Variants in BABAM2 observed in about 807,000 individuals in gnomAD.
BABAM2 encodes the protein BRISC and BRCA1 A complex member 2.
A neutral mutation model predicts 54.7 loss-of-function variants in BABAM2; 31 were observed. That is an observed-to-expected ratio of 0.57 (90% CI 0.43 to 0.77). BABAM2 has a LOEUF of 0.77. Among genes scored for constraint, BABAM2 ranks in the 30% least tolerant of loss-of-function variants. The pLI, the probability that BABAM2 is intolerant of heterozygous loss-of-function variation, is 0.00. For missense variants in BABAM2, 364 were observed against 455.8 expected (o/e 0.80, Z 1.83); for synonymous variants, 167 against 162.9 (o/e 1.03, Z -0.19).
At chr2:28,255,706 C>T (rs574732466) in intron 10 of BABAM2, among the ~76,000 whole-genome samples, 1 of 152,254 alleles carries the variant, frequency 6.6e-6, no homozygotes, top group Admixed American at 6.5e-5. Context: ...CACTCGCTCA[C>T]CCAGGCTGGA....
At chr2:28,084,806 A>G (rs1665498639) in intron 6 of BABAM2, among the ~76,000 whole-genome samples, 2 of 152,096 alleles carry the variant, frequency 1.3e-5, no homozygotes, top group Admixed American at 1.3e-4. Flanking sequence ...ATAGTCTATT[A>G]AGAAACCATG....
chr2:27,902,339 ATAAG>A (rs974472238), intron 2 of BABAM2, among the ~76,000 whole-genome samples: 25 of 152,246 alleles, frequency 1.6e-4, no homozygotes, highest in African/African-American at 5.3e-4. Context: ...TTTCGGTTAA[ATAAG>A]TAAGTATGTG....
intron 6 of BABAM2, among the ~76,000 whole-genome samples, chr2:28,051,457 T>C (rs967498284): frequency 1.3e-4 from 20 of 152,206 alleles, no homozygotes; most frequent in African/African-American, 4.8e-4. Flanking sequence ...ATTTTGATTA[T>C]TGGCAGCTAG....
intron 6 of BABAM2, among the ~76,000 whole-genome samples, chr2:28,101,969 C>G (rs533942317): frequency 9.2e-4 from 140 of 152,242 alleles, no homozygotes; most frequent in African/African-American, 3.3e-3. Flanking sequence ...TGCAGTAGCT[C>G]TCTGTAGTTG....
chr2:27,913,374 G>A (rs1488483636), intron 2 of BABAM2, among the ~76,000 whole-genome samples: 1 of 152,164 alleles, frequency 6.6e-6, no homozygotes, highest in Non-Finnish European at 1.5e-5. Flanking sequence ...TAACAGTCCA[G>A]GAGTTGGCCT....
rs1262416293 is a variant in BABAM2 at position 27,890,880 on chromosome 2, C to G, written c.-25+38C>G. 6.6e-6 allele frequency: 1 copy of G among 152,652 alleles called. No individual in the cohort carries two copies. The highest frequency in any genetic ancestry group is 1.5e-5 in the Non-Finnish European group (1 of 68,108). 9.5% of individuals were successfully genotyped at this position (152,652 alleles called of 1,614,324 possible). ...GGGCTGGTGCGGGGAGGTTGGATCC[C>G]GAGTCGCACAGGTGGCGTGGAGAAC... On this transcript the variant is annotated intron_variant, in intron 1 of 11. Transcript: ENST00000379624. The surrounding 1 kb of genome is among the most constrained non-coding windows in gnomAD (Gnocchi z 4.8).
chr2:28,236,158 G>A (rs1210614702), intron 7 of BABAM2, among the ~76,000 whole-genome samples: 1 of 151,928 alleles, frequency 6.6e-6, no homozygotes, highest in African/African-American at 2.4e-5. Context: ...GAGGGTTTAG[G>A]GGGCTTATAG....
intron 11 of BABAM2, among the ~76,000 whole-genome samples, chr2:28,324,984 A>T (rs1248120874): frequency 2.0e-5 from 3 of 152,080 alleles, no homozygotes; most frequent in South Asian, 2.1e-4. Flanking sequence ...CCTTATACTC[A>T]TGGCTTCCAG....
intron 3 of BABAM2, among the ~76,000 whole-genome samples, chr2:27,978,407 C>G (rs1671747576): frequency 6.6e-6 from 1 of 152,156 alleles, no homozygotes; most frequent in African/African-American, 2.4e-5. Context: ...TATAAATTAT[C>G]CAGTCCTCGG....
At position 28,091,775 on chromosome 2, in the gene BABAM2, T is replaced by G. The variant is rs370067373; in HGVS notation, c.571-37496T>G. Among the ~76,000 whole-genome samples, 5 of 152,202 alleles carry G rather than the reference T, an allele frequency of 3.3e-5. No individual in the cohort carries two copies. In the East Asian group the frequency reaches 9.6e-4, roughly 29 times the overall value. On this transcript the variant is annotated intron_variant, in intron 6 of 11. Coordinates refer to ENST00000379624, the MANE Select transcript of BABAM2 (RefSeq NM_199191.3). ...GAAATGTGGCTTAGTTTTTTCCTTA[T>G]GCATACTTGGGAAAATAATATTTTG...
At chr2:28,021,320 G>A (rs1352784292) in intron 4 of BABAM2, among the ~76,000 whole-genome samples, 1 of 152,184 alleles carries the variant, frequency 6.6e-6, no homozygotes, top group Admixed American at 6.5e-5. Flanking sequence ...GCATAGAGTG[G>A]CAGAGCCATG....
At chr2:28,007,786 G>A (rs1047228684) in intron 4 of BABAM2, among the ~76,000 whole-genome samples, 1 of 152,010 alleles carries the variant, frequency 6.6e-6, no homozygotes, top group African/African-American at 2.4e-5. Context: ...TTAAGATACT[G>A]TTTTTCAGAT....
intron 7 of BABAM2, among the ~76,000 whole-genome samples, chr2:28,140,346 T>C (rs1424331000): frequency 6.6e-6 from 1 of 152,294 alleles, no homozygotes. Context: ...CTTCCAAGTA[T>C]GAGGACCTTT....
intron 11 of BABAM2, among the ~76,000 whole-genome samples, chr2:28,337,112 G>T (rs1304134622): frequency 6.6e-6 from 1 of 152,140 alleles, no homozygotes; most frequent in Non-Finnish European, 1.5e-5. Context: ...TCTTGCCATT[G>T]CTCTGAGGTG....
rs1678894515 is a variant in BABAM2 at position 28,206,808 on chromosome 2, T to TACTACTCTTACAACATTATTTGCC, written c.681-30380_681-30357dup. Among the ~76,000 whole-genome samples, 9 of 152,342 alleles carry TACTACTCTTACAACATTATTTGCC rather than the reference T, an allele frequency of 5.9e-5. No individual in the cohort carries two copies. The South Asian group carries it at 1.5e-3, about 25-fold the overall frequency. ...AACGCTGTGTGATTTTGCCAGTGTT[T>TACTACTCTTACAACATTATTTGCC]ACTACTCTTACAACATTATTTGCCA... On this transcript the variant is annotated intron_variant, in intron 7 of 11. Transcript: ENST00000379624.
chr2:27,975,029 G>A (rs1671488339), intron 3 of BABAM2, among the ~76,000 whole-genome samples: 1 of 151,866 alleles, frequency 6.6e-6, no homozygotes, highest in African/African-American at 2.4e-5. Context: ...ATCTAATAAG[G>A]TATGTTCAGT....
At chr2:28,220,560 T>C (rs1219042905) in intron 7 of BABAM2, among the ~76,000 whole-genome samples, 2 of 151,936 alleles carry the variant, frequency 1.3e-5, no homozygotes, top group Admixed American at 6.6e-5. Flanking sequence ...TCTGTCTCTA[T>C]CTCTGTCTCT....
chr2:28,233,216 GTA>G (rs1558458096), intron 7 of BABAM2: 1 of 471,578 alleles, frequency 2.1e-6, no homozygotes, highest in Non-Finnish European at 4.4e-6. Flanking sequence ...GGGATCAGAA[GTA>G]TCAGTGCCAA....
intron 7 of BABAM2, among the ~76,000 whole-genome samples, chr2:28,199,541 A>G (rs556304870): frequency 3.3e-4 from 51 of 152,332 alleles, no homozygotes; most frequent in African/African-American, 1.1e-3. Context: ...TGTTTAGACT[A>G]TAATTAGGGC....
Sources: allele counts gnomAD v4.1 joint callset (sites outside exome capture counted in the v4.1 genomes callset), GRCh38; gene constraint gnomAD v4.1.1; non-coding constraint Gnocchi (gnomAD v3.1); transcripts MANE v1.5; gene names NCBI Gene and HGNC (gene_info 2026-07-23, HGNC 2026-07-21).